The following ASTN1 variants were observed in gnomAD, a reference collection of about 807,000 sequenced individuals.
ASTN1 encodes the protein astrotactin-1.
ASTN1 carries 41 observed loss-of-function variants against 140.7 expected under a neutral mutation model. The ratio of observed to expected loss-of-function variants is 0.29; its 90% confidence interval spans 0.23 to 0.38. ASTN1 has a LOEUF of 0.38. Among genes scored for constraint, ASTN1 ranks in the 10% least tolerant of loss-of-function variants. The pLI is 1.00. For missense variants in ASTN1, 1,479 were observed against 1,678.8 expected (o/e 0.88, Z 2.08); for synonymous variants, 640 against 652.2 (o/e 0.98, Z 0.29).
At chr1:177,145,129 A>T (rs1449227643) in intron 1 of ASTN1, among the ~76,000 whole-genome samples, 1 of 152,184 alleles carries the variant, frequency 6.6e-6, no homozygotes, top group Non-Finnish European at 1.5e-5. Flanking sequence ...TTAACCTGCA[A>T]CCTCAGAAAA....
At chr1:177,108,624 ATGGGCAGG>A (rs1285424388) in intron 1 of ASTN1, among the ~76,000 whole-genome samples, 2 of 152,118 alleles carry the variant, frequency 1.3e-5, no homozygotes, top group African/African-American at 4.8e-5. Context: ...TCATCTGACA[ATGGGCAGG>A]TGGGTTGCTT....
intron 18 of ASTN1, among the ~76,000 whole-genome samples, chr1:176,887,715 T>A (rs1669093158): frequency 1.2e-5 from 1 of 80,086 alleles, no homozygotes; most frequent in East Asian, 3.3e-4. Context: ...TCTAACTTCT[T>A]CCATTACAAT....
At chr1:177,156,708 C>T (rs1446124173) in intron 1 of ASTN1, among the ~76,000 whole-genome samples, 1 of 152,188 alleles carries the variant, frequency 6.6e-6, no homozygotes, top group Non-Finnish European at 1.5e-5. Context: ...AGTCTGTGCA[C>T]AGTGACTTCC....
At chr1:176,925,221 A>C (rs964232617) in intron 16 of ASTN1, among the ~76,000 whole-genome samples, 15 of 152,236 alleles carry the variant, frequency 9.9e-5, no homozygotes, top group African/African-American at 3.6e-4. Context: ...TGGAGTTGAC[A>C]TCAGGACATA....
intron 2 of ASTN1, among the ~76,000 whole-genome samples, chr1:177,035,028 A>T (rs1676647098): frequency 6.6e-6 from 1 of 152,224 alleles, no homozygotes; most frequent in Non-Finnish European, 1.5e-5. Context: ...GCATAGACTC[A>T]TTCCCTATAT....
chr1:176,946,478 GAGC>G (rs1255656263), intron 12 of ASTN1, among the ~76,000 whole-genome samples: 1 of 152,156 alleles, frequency 6.6e-6, no homozygotes, highest in Non-Finnish European at 1.5e-5. Context: ...AGATATTCTA[GAGC>G]TTTTCTTAAG....
chr1:177,046,034 T>C (rs1007122114), intron 2 of ASTN1, among the ~76,000 whole-genome samples: 1 of 152,206 alleles, frequency 6.6e-6, no homozygotes, highest in Non-Finnish European at 1.5e-5. Context: ...GAGAAGTTCT[T>C]CTTAACTTCA....
intron 1 of ASTN1, among the ~76,000 whole-genome samples, chr1:177,123,899 A>G (rs1471475664): frequency 6.6e-6 from 1 of 152,224 alleles, no homozygotes; most frequent in East Asian, 1.9e-4. Context: ...AAGGAGAAGT[A>G]AAAGAACTAA....
At chr1:177,039,515 G>C (rs1362947676) in intron 2 of ASTN1, among the ~76,000 whole-genome samples, 1 of 152,180 alleles carries the variant, frequency 6.6e-6, no homozygotes, top group African/African-American at 2.4e-5. Context: ...ATGTTCCAGG[G>C]ATAAGGAATG....
chr1:176,893,232 C>T (rs943568426), intron 17 of ASTN1, among the ~76,000 whole-genome samples: 3 of 152,066 alleles, frequency 2.0e-5, no homozygotes, highest in Non-Finnish European at 2.9e-5. Flanking sequence ...GCAAGTGGCC[C>T]GGGAGCTCTT....
At chr1:177,144,558 C>G (rs1010137024) in intron 1 of ASTN1, among the ~76,000 whole-genome samples, 5 of 148,622 alleles carry the variant, frequency 3.4e-5, no homozygotes, top group African/African-American at 1.2e-4. Flanking sequence ...AGCTGTGGAA[C>G]TCAATGATTT....
At chr1:177,164,312 T>A in intron 1 of ASTN1, 82 bp downstream of exon 1, 1 of 1,233,454 alleles carries the variant, frequency 8.1e-7, no homozygotes, top group Non-Finnish European at 1.0e-6. Flanking sequence ...CGTCGGCGAG[T>A]GGGTGTGTAG....
At chr1:176,864,648 A>G (rs955202445) in intron 22 of ASTN1, 127 bp from the exon 23 acceptor site, 25 of 1,369,152 alleles carry the variant, frequency 1.8e-5, no homozygotes, top group Non-Finnish European at 2.4e-5. Context: ...TCCCTATTTT[A>G]TCTTTGGCAC....
At chr1:177,044,117 G>A (rs558003681) in intron 2 of ASTN1, among the ~76,000 whole-genome samples, 1 of 151,204 alleles carries the variant, frequency 6.6e-6, no homozygotes, top group Admixed American at 6.6e-5. Flanking sequence ...TGCTGGCAAA[G>A]CTACTGTACA....
At chr1:176,929,931 C>T (rs1219399747) in intron 16 of ASTN1, among the ~76,000 whole-genome samples, 1 of 152,102 alleles carries the variant, frequency 6.6e-6, no homozygotes, top group Non-Finnish European at 1.5e-5. Flanking sequence ...TGGCGTGAAC[C>T]CAGGAGGTGG....
chr1:177,029,856 A>G (rs1374558787), intron 4 of ASTN1, 115 bp from the exon 5 acceptor site: 2 of 1,015,984 alleles, frequency 2.0e-6, no homozygotes, highest in East Asian at 2.7e-5. Flanking sequence ...CTGACTGATA[A>G]TCTGGGAGAA....
chr1:176,965,698 T>C (rs953751246), intron 8 of ASTN1, among the ~76,000 whole-genome samples: 1 of 152,208 alleles, frequency 6.6e-6, no homozygotes, highest in African/African-American at 2.4e-5. Flanking sequence ...CCTAATTTCC[T>C]ATAGGGTCAA....
rs139413557 is a variant in ASTN1 at position 177,074,599 on chromosome 1, C to T, written c.284-13334G>A. On this transcript the variant is annotated intron_variant, in intron 1 of 22. Coordinates refer to ENST00000361833, the MANE Select transcript of ASTN1 (RefSeq NM_004319.3). Reference sequence around the variant, plus strand: ...TACAAATCTCATCTGTTGTCATCAACTTTAATGGTCTGACTCATTGAGGGG... The same window carrying T: ...TACAAATCTCATCTGTTGTCATCAATTTTAATGGTCTGACTCATTGAGGGG... Among the ~76,000 whole-genome samples, 303 of 152,292 alleles carry T rather than the reference C, an allele frequency of 2.0e-3. 2 individuals are homozygous for T. Among genetic ancestry groups the T allele is most frequent in the African/African-American group, 7.0e-3 (292 of 41,566 alleles).
intron 8 of ASTN1, among the ~76,000 whole-genome samples, chr1:176,993,382 G>C (rs555142242): frequency 6.6e-6 from 1 of 152,152 alleles, no homozygotes; most frequent in East Asian, 1.9e-4. Flanking sequence ...GGAACTCCAG[G>C]GAGAATCTTT....
Sources: allele counts gnomAD v4.1 joint callset (sites outside exome capture counted in the v4.1 genomes callset), GRCh38; gene constraint gnomAD v4.1.1; transcripts MANE v1.5; gene names NCBI Gene and HGNC (gene_info 2026-07-23, HGNC 2026-07-21).